AXDND1: variants seen among roughly 807,000 people sequenced by gnomAD.
The protein encoded by AXDND1 is axonemal dynein light chain domain containing 1, also known as axonemal dynein light chain domain-containing protein 1.
AXDND1 carries 110 observed loss-of-function variants against 137.5 expected under a neutral mutation model. The observed-to-expected ratio is 0.80, with a 90% CI of 0.69 to 0.94. AXDND1 has a LOEUF of 0.94. AXDND1 is among the 40% of genes least tolerant of loss of function. The pLI is 0.00. For missense variants in AXDND1, 1,191 were observed against 1,169.8 expected (o/e 1.02, Z -0.26); for synonymous variants, 414 against 399.7 (o/e 1.04, Z -0.43).
intron 9 of AXDND1, among the ~76,000 whole-genome samples, chr1:179,386,661 C>G (rs2125107505): frequency 6.6e-6 from 1 of 152,202 alleles, no homozygotes; most frequent in African/African-American, 2.4e-5. Flanking sequence ...GCTATACCTT[C>G]AAGTTCATTA....
intron 20 of AXDND1, among the ~76,000 whole-genome samples, chr1:179,501,238 G>A (rs927587220): frequency 2.0e-5 from 3 of 151,984 alleles, no homozygotes; most frequent in Non-Finnish European, 4.4e-5. Context: ...TGAAAATAAG[G>A]TGAGAGGACT....
intron 15 of AXDND1, among the ~76,000 whole-genome samples, chr1:179,442,962 A>G (rs6664339): frequency 0.65 from 98,557 of 152,070 alleles, 32,271 homozygotes; most frequent in Middle Eastern, 0.7. Context: ...ACAGCGCTCC[A>G]TATGTATTAG....
At chr1:179,447,410 A>C (rs990351396) in intron 16 of AXDND1, among the ~76,000 whole-genome samples, 3 of 152,244 alleles carry the variant, frequency 2.0e-5, no homozygotes, top group African/African-American at 7.2e-5. Context: ...CCATTAAGCA[A>C]ATTTCCATAA....
At chr1:179,501,584 C>A (rs1037187231) in intron 20 of AXDND1, among the ~76,000 whole-genome samples, 5 of 152,024 alleles carry the variant, frequency 3.3e-5, no homozygotes, top group African/African-American at 9.7e-5. Flanking sequence ...TGGTGGTGCA[C>A]CCCTGTAGTT....
chr1:179,509,774 A>C (rs1228341018), intron 21 of AXDND1, among the ~76,000 whole-genome samples: 2 of 152,036 alleles, frequency 1.3e-5, no homozygotes, highest in African/African-American at 4.8e-5. Flanking sequence ...ACTTAATCCC[A>C]TGTCCAATGT....
chr1:179,548,765 A>G (rs1672887856), intron 25 of AXDND1: 1 of 152,138 alleles, frequency 6.6e-6, no homozygotes, highest in African/African-American at 2.4e-5. Flanking sequence ...TAGATAGGAG[A>G]GTCCAAACTG....
intron 12 of AXDND1, among the ~76,000 whole-genome samples, chr1:179,422,160 G>A (rs964988896): frequency 2.0e-5 from 3 of 150,406 alleles, no homozygotes; most frequent in Non-Finnish European, 3.0e-5. Context: ...ACTAATTTTA[G>A]GTTTGGTTTG....
At chr1:179,419,418 C>T (rs1428224661) in intron 12 of AXDND1, among the ~76,000 whole-genome samples, 1 of 149,676 alleles carries the variant, frequency 6.7e-6, no homozygotes, top group Non-Finnish European at 1.5e-5. Context: ...TGGAGACCAG[C>T]CCGGCCAACA....
chr1:179,401,524 A>G (rs1652052534), intron 11 of AXDND1, among the ~76,000 whole-genome samples: 1 of 152,152 alleles, frequency 6.6e-6, no homozygotes, highest in African/African-American at 2.4e-5. Context: ...TAAGATCTAA[A>G]TTCAGAAATG....
chr1:179,420,999 A>G (rs1421331330), intron 12 of AXDND1, among the ~76,000 whole-genome samples: 1 of 151,828 alleles, frequency 6.6e-6, no homozygotes, highest in African/African-American at 2.4e-5. Context: ...CTCAGTTGTT[A>G]CATCTTCTTT....
intron 23 of AXDND1, among the ~76,000 whole-genome samples, chr1:179,531,083 G>A (rs1670997310): frequency 6.6e-6 from 1 of 152,078 alleles, no homozygotes; most frequent in African/African-American, 2.4e-5. Flanking sequence ...TATTGGTTGG[G>A]GATGCAATCA....
chr1:179,368,423 G>C (rs1038846214), intron 2 of AXDND1, among the ~76,000 whole-genome samples: 5 of 152,098 alleles, frequency 3.3e-5, no homozygotes, highest in African/African-American at 7.2e-5. Flanking sequence ...TGACAGCTTG[G>C]GGGGAGAGAT....
rs980671343 is a variant in AXDND1 at position 179,382,684 on chromosome 1, A to G, written c.582-16A>G. ...AATTTTCTTAAAATAACATTTACCT[A>G]TCTTATTTATTGTAGCAAATACACT... On this transcript the variant is annotated splice_polypyrimidine_tract_variant and intron_variant, in intron 6 of 25. Transcript: ENST00000367618. The G allele has an allele frequency of 1.3e-5, 21 of 1,580,814 alleles. No individual in the cohort carries two copies. Among genetic ancestry groups the G allele is most frequent in the African/African-American group, 1.1e-4 (8 of 74,080 alleles).
chr1:179,530,185 A>G (rs1439410061), intron 23 of AXDND1, among the ~76,000 whole-genome samples: 1 of 152,064 alleles, frequency 6.6e-6, no homozygotes, highest in East Asian at 1.9e-4. Context: ...GCCCACCACC[A>G]TGCCCGGCTA....
intron 12 of AXDND1, among the ~76,000 whole-genome samples, chr1:179,421,035 CCCTTCCTTCCTTCCTTCCTT>C (rs143579938): frequency 0.011 from 1,450 of 134,782 alleles, 23 homozygotes; most frequent in African/African-American, 0.033. Context: ...ATTTGGGTAT[CCCTTCCTTCCTTCCTTCCTT>C]CCTTCCTTCC....
intron 4 of AXDND1, among the ~76,000 whole-genome samples, chr1:179,375,218 C>T (rs1332826581): frequency 6.6e-6 from 1 of 151,758 alleles, no homozygotes; most frequent in East Asian, 1.9e-4. Flanking sequence ...CCTGCCTCAG[C>T]CTCCCGAGTA....
At chr1:179,507,946 C>T (rs1188091372) in intron 20 of AXDND1, among the ~76,000 whole-genome samples, 1 of 152,194 alleles carries the variant, frequency 6.6e-6, no homozygotes, top group Admixed American at 6.5e-5. Context: ...CCATCAGTGA[C>T]ATTAACAAAG....
intron 15 of AXDND1, among the ~76,000 whole-genome samples, chr1:179,441,730 G>C (rs1332962606): frequency 6.6e-6 from 1 of 152,172 alleles, no homozygotes; most frequent in Non-Finnish European, 1.5e-5. Context: ...CTGATAAGCA[G>C]CATCTGGGAG....
At chr1:179,512,785 G>A (rs1669179892) in intron 21 of AXDND1, among the ~76,000 whole-genome samples, 1 of 152,028 alleles carries the variant, frequency 6.6e-6, no homozygotes, top group Non-Finnish European at 1.5e-5. Flanking sequence ...TGCCTCCTTG[G>A]TTAGGTATAT....
Sources: allele counts gnomAD v4.1 joint callset (sites outside exome capture counted in the v4.1 genomes callset), GRCh38; gene constraint gnomAD v4.1.1; transcripts MANE v1.5; gene names NCBI Gene and HGNC (gene_info 2026-07-23, HGNC 2026-07-21).